DCX: variants seen among roughly 807,000 people sequenced by gnomAD.
DCX encodes the protein doublecortin.
DCX carries 4 observed loss-of-function variants against 20.9 expected under a neutral mutation model. That is an observed-to-expected ratio of 0.19 (90% CI 0.09 to 0.44). The LOEUF (loss-of-function observed/expected upper bound fraction) is 0.44. Among genes scored for constraint, DCX ranks in the 20% least tolerant of loss-of-function variants. DCX has a pLI of 0.99. For missense variants in DCX, 133 were observed against 296.9 expected, an observed-to-expected ratio of 0.45 and a Z score of 4.06; for synonymous variants, 103 against 111.4, an observed-to-expected ratio of 0.92 and a Z score of 0.47.
At chrX:111,403,104 C>A (rs765700669) in intron 2 of DCX, among the ~76,000 whole-genome samples, 4 of 110,993 alleles carry the variant, frequency 3.6e-5, no homozygotes, top group Non-Finnish European at 7.5e-5. Context: ...AAGGAAGGGG[C>A]CCTTTTAGTG....
chrX:111,309,375 C>CAG (rs1326463943), intron 6 of DCX, among the ~76,000 whole-genome samples: 1 of 112,294 alleles, frequency 8.9e-6, no homozygotes, highest in Non-Finnish European at 1.9e-5. Context: ...TCCACTTGGA[C>CAG]AGAAGTTCAG....
At chrX:111,393,588 C>G (rs1454539122) in intron 3 of DCX, among the ~76,000 whole-genome samples, 4 of 111,480 alleles carry the variant, frequency 3.6e-5, no homozygotes, top group Non-Finnish European at 7.5e-5. Context: ...ACATATGTGA[C>G]AAAGGACTTG....
chrX:111,320,035 T>C (rs1052603747), intron 5 of DCX, among the ~76,000 whole-genome samples: 2 of 112,506 alleles, frequency 1.8e-5, no homozygotes, highest in Admixed American at 9.4e-5. Flanking sequence ...ACAAGCATTT[T>C]GGAAATCAGC....
intron 5 of DCX, among the ~76,000 whole-genome samples, chrX:111,324,467 G>A (rs1041847681): frequency 3.6e-5 from 4 of 111,620 alleles, no homozygotes; most frequent in African/African-American, 1.3e-4. Context: ...TGGTTCAGTG[G>A]TTAAAATTGT....
chrX:111,316,096 A>AAT (rs1556369866), intron 5 of DCX, among the ~76,000 whole-genome samples: 1 of 101,405 alleles, frequency 9.9e-6, no homozygotes, highest in Non-Finnish European at 2.0e-5. Flanking sequence ...TAAAAAAAAA[A>AAT]AAAAAAAAAA....
At chrX:111,363,950 C>T (rs1924411164) in intron 3 of DCX, among the ~76,000 whole-genome samples, 1 of 112,104 alleles carries the variant, frequency 8.9e-6, no homozygotes, top group Admixed American at 9.5e-5. Flanking sequence ...TTATGCCTTA[C>T]TACATATCAG....
At chrX:111,327,926 G>T (rs1403881179) in intron 5 of DCX, among the ~76,000 whole-genome samples, 2 of 112,596 alleles carry the variant, frequency 1.8e-5, no homozygotes, top group Admixed American at 1.9e-4. Context: ...TTCAGGGTTG[G>T]AATCATGAGG....
intron 3 of DCX, among the ~76,000 whole-genome samples, chrX:111,398,009 GCAAA>G (rs1927468297): frequency 9.0e-6 from 1 of 110,762 alleles, no homozygotes; most frequent in African/African-American, 3.3e-5. Flanking sequence ...TGCAAATAAG[GCAAA>G]CCTTATTTGC....
At chrX:111,313,731 T>C (rs1046775021) in intron 5 of DCX, among the ~76,000 whole-genome samples, 2 of 111,808 alleles carry the variant, frequency 1.8e-5, no homozygotes, top group East Asian at 5.6e-4. Context: ...AATGGAACAA[T>C]TAAACAGCTT....
intron 3 of DCX, among the ~76,000 whole-genome samples, chrX:111,356,628 A>G (rs891120222): frequency 4.9e-4 from 55 of 112,346 alleles, no homozygotes; most frequent in African/African-American, 1.7e-3. Flanking sequence ...CAAGTAAAGG[A>G]GGAAAAATGC....
chrX:111,372,864 T>G (rs748989486), intron 3 of DCX, among the ~76,000 whole-genome samples: 2 of 111,591 alleles, frequency 1.8e-5, no homozygotes, highest in African/African-American at 3.3e-5. Context: ...GACAAGGTGC[T>G]GAGACTTCAA....
intron 5 of DCX, among the ~76,000 whole-genome samples, chrX:111,318,862 G>A (rs1375507751): frequency 9.0e-6 from 1 of 111,283 alleles, no homozygotes; most frequent in East Asian, 2.8e-4. Flanking sequence ...TTATTACCTG[G>A]TTAACAAAAT....
chrX:111,354,312 G>C, intron 3 of DCX, among the ~76,000 whole-genome samples: 1 of 111,575 alleles, frequency 9.0e-6, no homozygotes, highest in East Asian at 2.8e-4. Flanking sequence ...CCCTTTGTAT[G>C]TAAACCATCT....
At position 111,334,360 on chromosome X, in the gene DCX, C is replaced by T. The variant is rs1011331759; in HGVS notation, c.706-1207G>A. On this transcript the variant is annotated intron_variant, in intron 3 of 6. Transcript: ENST00000636035. ...CTGCAGGGTCACTCTCATTAAGCCT[C>T]TTTCCAGTCCTGGGTCTTGACCTCA... is the stretch of plus-strand genomic sequence containing the variant. 2.7e-5 allele frequency among the ~76,000 whole-genome samples: 3 copies of T among 111,720 alleles called. No individual in the cohort carries two copies. The Admixed American group carries it at 2.8e-4, about 11-fold the overall frequency.
rs753628416 is a variant in DCX, at chrX:111,327,885, C to T, written c.946+3019G>A. ...CTTGGACTAGGCTTTAAACAAACTC[C>T]GATGAAATGGGCTTGGTTATGTTAC... is the stretch of plus-strand genomic sequence containing the variant. On this transcript the variant is annotated intron_variant, in intron 5 of 6. Transcript: ENST00000636035. Among the ~76,000 whole-genome samples, 7 of 112,265 alleles carry T rather than the reference C, an allele frequency of 6.2e-5. No individual in the cohort carries two copies. In the South Asian group the frequency reaches 1.1e-3, roughly 18 times the overall value.
At chrX:111,306,181 A>G (rs1427580163) in intron 6 of DCX, among the ~76,000 whole-genome samples, 3 of 111,589 alleles carry the variant, frequency 2.7e-5, no homozygotes, top group Non-Finnish European at 5.7e-5. Context: ...AATGCTGTCT[A>G]AAAGAGAAAC....
intron 3 of DCX, among the ~76,000 whole-genome samples, chrX:111,392,257 A>C (rs1207209278): frequency 9.0e-6 from 1 of 111,407 alleles, no homozygotes; most frequent in African/African-American, 3.3e-5. Flanking sequence ...GGGGGACAGA[A>C]CATCAAGAAA....
chrX:111,321,079 A>G (rs1171533433), intron 5 of DCX, among the ~76,000 whole-genome samples: 1 of 111,834 alleles, frequency 8.9e-6, no homozygotes, highest in Non-Finnish European at 1.9e-5. Context: ...AAGTAATGAA[A>G]AGAAGATAGA....
chrX:111,342,339 TTATATATATATATATATATATATATATA>T (rs60045433), intron 3 of DCX, among the ~76,000 whole-genome samples: 11 of 20,739 alleles, frequency 5.3e-4, no homozygotes, highest in Middle Eastern at 0.034. Context: ...GAGCTAACTA[TTATATATATATATATATATATATATATA>T]TATATATATA....
Sources: allele counts gnomAD v4.1 joint callset (sites outside exome capture counted in the v4.1 genomes callset), GRCh38; gene constraint gnomAD v4.1.1; transcripts MANE v1.5; gene names NCBI Gene and HGNC (gene_info 2026-07-23, HGNC 2026-07-21).